Variants in TRPS1 observed in about 807,000 individuals in gnomAD.
TRPS1 encodes the protein zinc finger transcription factor Trps1.
Under a neutral mutation model 101.2 loss-of-function variants are expected in TRPS1, and 6 were observed. That is an observed-to-expected ratio of 0.06 (90% CI 0.03 to 0.12). The LOEUF (loss-of-function observed/expected upper bound fraction) is 0.12, where lower values mean the gene tolerates loss of function less well. TRPS1 is among the 10% of genes least tolerant of loss of function. The probability of loss-of-function intolerance (pLI) is 1.00; values close to 1 mark genes in which losing one functional copy is unlikely to be tolerated. For missense variants in TRPS1, 1,363 were observed against 1,567.0 expected (o/e 0.87, Z 2.20); for synonymous variants, 578 against 589.8 (o/e 0.98, Z 0.29).
At chr8:115,486,059 T>A (rs569210669) in intron 5 of TRPS1, among the ~76,000 whole-genome samples, 1 of 152,330 alleles carries the variant, frequency 6.6e-6, no homozygotes, top group Non-Finnish European at 1.5e-5. Flanking sequence ...AAAATGTCAG[T>A]TTGTGGCAAC....
chr8:115,638,165 C>T (rs1586482860), intron 1 of TRPS1, among the ~76,000 whole-genome samples: 1 of 152,110 alleles, frequency 6.6e-6, no homozygotes, highest in African/African-American at 2.4e-5. Flanking sequence ...TCTATAAAAA[C>T]GGAGACTTGA....
intron 5 of TRPS1, among the ~76,000 whole-genome samples, chr8:115,460,100 CTCTT>C (rs901275451): frequency 3.9e-5 from 6 of 152,106 alleles, no homozygotes; most frequent in Admixed American, 1.3e-4. Flanking sequence ...AGGAATCTCT[CTCTT>C]TTTTGTTACT....
chr8:115,582,598 G>A (rs1262656906), intron 5 of TRPS1, among the ~76,000 whole-genome samples: 1 of 152,142 alleles, frequency 6.6e-6, no homozygotes, highest in African/African-American at 2.4e-5. Flanking sequence ...TGTGAGGGTG[G>A]CAGGCAGCAT....
Position 115,630,934 on chromosome 8 carries a change from A to C in TRPS1, c.-121-7176T>G, listed in dbSNP as rs539803087. ...TTTTAAGAAACTTACAAGAGAACAC[A>C]ATCTACAAGACGCCATGTTACAAAG... On this transcript the variant is annotated intron_variant, in intron 1 of 6. Transcript: ENST00000395715. 5.9e-5 allele frequency among the ~76,000 whole-genome samples: 9 copies of C among 152,196 alleles called. No homozygotes were observed. The South Asian group carries it at 1.9e-3, about 32-fold the overall frequency.
chr8:115,442,820 G>A (rs939995025), intron 5 of TRPS1, among the ~76,000 whole-genome samples: 3 of 151,578 alleles, frequency 2.0e-5, no homozygotes, highest in Non-Finnish European at 4.4e-5. Flanking sequence ...GGCCAGGCGC[G>A]GTGGCTCACG....
At chr8:115,502,589 A>C (rs1158734919) in intron 5 of TRPS1, among the ~76,000 whole-genome samples, 1 of 152,172 alleles carries the variant, frequency 6.6e-6, no homozygotes, top group Non-Finnish European at 1.5e-5. Flanking sequence ...ATTATCTAGA[A>C]ATGATACACG....
intron 5 of TRPS1, among the ~76,000 whole-genome samples, chr8:115,445,157 T>A (rs1324973233): frequency 6.6e-6 from 1 of 152,164 alleles, no homozygotes; most frequent in African/African-American, 2.4e-5. Context: ...CCCAGCTCAG[T>A]GCACTTCATA....
chr8:115,662,535 G>A (rs1174533909), intron 1 of TRPS1, among the ~76,000 whole-genome samples: 1 of 151,948 alleles, frequency 6.6e-6, no homozygotes, highest in African/African-American at 2.4e-5. Context: ...CCAAGGAAGA[G>A]AACACTAGCA....
At chr8:115,486,071 C>T (rs533477151) in intron 5 of TRPS1, among the ~76,000 whole-genome samples, 1 of 152,318 alleles carries the variant, frequency 6.6e-6, no homozygotes, top group Admixed American at 6.5e-5. Context: ...TGTGGCAACC[C>T]TGCATCCTGC....
intron 5 of TRPS1, among the ~76,000 whole-genome samples, chr8:115,524,211 T>C (rs896696918): frequency 1.3e-5 from 2 of 152,150 alleles, no homozygotes; most frequent in Non-Finnish European, 2.9e-5. Context: ...CGCTTTATTG[T>C]CTGCTCTTCA....
intron 5 of TRPS1, among the ~76,000 whole-genome samples, chr8:115,532,072 TAAAG>T (rs1816146686): frequency 6.6e-6 from 1 of 152,022 alleles, no homozygotes; most frequent in Admixed American, 6.6e-5. Flanking sequence ...GAGATATTCA[TAAAG>T]AGAGATATTG....
At chr8:115,486,106 A>G (rs1415977800) in intron 5 of TRPS1, among the ~76,000 whole-genome samples, 2 of 152,196 alleles carry the variant, frequency 1.3e-5, no homozygotes, top group African/African-American at 4.8e-5. Flanking sequence ...CATTTTCCCA[A>G]CAGCACGTGC....
chr8:115,561,232 T>C (rs987226756), intron 5 of TRPS1, among the ~76,000 whole-genome samples: 3 of 152,138 alleles, frequency 2.0e-5, no homozygotes, highest in African/African-American at 7.2e-5. Flanking sequence ...GGCATCTGTG[T>C]GCATGGCTTA....
chr8:115,573,562 A>C (rs1046944941), intron 5 of TRPS1, among the ~76,000 whole-genome samples: 2 of 152,168 alleles, frequency 1.3e-5, no homozygotes, highest in South Asian at 4.1e-4. Context: ...AGATCAGCCT[A>C]CTAATGAGTC....
intron 3 of TRPS1, among the ~76,000 whole-genome samples, chr8:115,608,311 G>C (rs1034155177): frequency 3.3e-5 from 5 of 152,046 alleles, no homozygotes; most frequent in African/African-American, 9.7e-5. Context: ...ATTTCTGTTT[G>C]GGCCAAAAAC....
At position 115,413,816 on chromosome 8, in the gene TRPS1, C is replaced by T; in HGVS notation, c.*207G>A. 1.7e-6 allele frequency: 1 copy of T among 584,138 alleles called. No homozygotes were observed. The highest frequency in any genetic ancestry group is 3.3e-5 in the Admixed American group (1 of 29,884). 36.2% of individuals were successfully genotyped at this position (584,138 alleles called of 1,614,324 possible). A position where few individuals can be genotyped will look rare whatever the true frequency, so the allele number is the denominator to read the frequency against. On this transcript the variant is annotated 3_prime_UTR_variant, in exon 7 of 7. Coordinates refer to ENST00000395715, the MANE Select transcript of TRPS1 (RefSeq NM_014112.5). ...TTAAAAAGTGATTGTTTACCATCTT[C>T]CATTCTTTCTCATTGACCATTTATC...
chr8:115,478,849 A>G (rs6992391), intron 5 of TRPS1, among the ~76,000 whole-genome samples: 20 of 123,456 alleles, frequency 1.6e-4, no homozygotes, highest in African/African-American at 9.2e-4. Flanking sequence ...AAATGTATAT[A>G]TGTATATATG....
chr8:115,510,413 A>C (rs1815555514), intron 5 of TRPS1, among the ~76,000 whole-genome samples: 1 of 151,928 alleles, frequency 6.6e-6, no homozygotes, highest in South Asian at 2.1e-4. Context: ...GGCTCAGGTC[A>C]TCCTTCTATA....
chr8:115,638,122 TCAACA>T (rs1818811818), intron 1 of TRPS1, among the ~76,000 whole-genome samples: 1 of 152,180 alleles, frequency 6.6e-6, no homozygotes, highest in South Asian at 2.1e-4. Context: ...CAGGAAGGCT[TCAACA>T]CAACACACCT....
Sources: allele counts gnomAD v4.1 joint callset (sites outside exome capture counted in the v4.1 genomes callset), GRCh38; gene constraint gnomAD v4.1.1; transcripts MANE v1.5; gene names NCBI Gene and HGNC (gene_info 2026-07-23, HGNC 2026-07-21).